Variants in RPS6KA2 observed in about 807,000 individuals in gnomAD.
RPS6KA2 encodes the protein ribosomal protein S6 kinase A2.
Under a neutral mutation model 91.8 loss-of-function variants are expected in RPS6KA2, and 42 were observed. The observed-to-expected ratio is 0.46, with a 90% confidence interval of 0.36 to 0.59. The LOEUF is 0.59. RPS6KA2 is among the 20% of genes least tolerant of loss of function. The pLI is 0.00. For synonymous variants in RPS6KA2, 414 were observed against 393.6 expected (o/e 1.05, Z -0.61); for missense variants, 798 against 978.5 (o/e 0.82, Z 2.46).
rs1295278993 is a variant in RPS6KA2, at chr6:166,557,766, T to C, written c.100-18982A>G. On this transcript the variant is annotated intron_variant, in intron 1 of 20. Transcript: ENST00000265678. The surrounding 1 kb of genome is among the most constrained non-coding windows in gnomAD (Gnocchi z 4.8). ...ACTCGAAATCCTTCTAGTCTCTATA[T>C]ACAGACTTTCCTCACTCTGTGAACC... Among the ~76,000 whole-genome samples, 1 of 152,244 alleles carries C rather than the reference T, an allele frequency of 6.6e-6. No individual in the cohort carries two copies. The highest frequency in any genetic ancestry group is 2.4e-5 in the African/African-American group (1 of 41,458).
At chr6:166,555,192 G>T (rs1460241206) in intron 1 of RPS6KA2, among the ~76,000 whole-genome samples, 1 of 152,160 alleles carries the variant, frequency 6.6e-6, no homozygotes, top group African/African-American at 2.4e-5. Context: ...TAAGTGACAG[G>T]GGTGAGAAGA....
At chr6:166,801,747 T>G (rs1779371572) in intron 2 of RPS6KA2, among the ~76,000 whole-genome samples, 1 of 152,232 alleles carries the variant, frequency 6.6e-6, no homozygotes, top group African/African-American at 2.4e-5. Flanking sequence ...ATAAATATAT[T>G]CATGCACATA....
rs535114749 is a variant in RPS6KA2, at chr6:166,858,360, C to T, written c.64-101G>A. ...ATGAAAAAGTACTAACTAAATATCC[C>T]GCATGATTTCTGTAGGACATGGAAA... On this transcript the variant is annotated intron_variant, in intron 1 of 21. Coordinates refer to the RPS6KA2 transcript ENST00000503859. The T allele has an allele frequency of 8.7e-5, 59 of 680,278 alleles. 2 individuals are homozygous for T. The highest frequency in any genetic ancestry group is 6.2e-4 in the South Asian group (34 of 54,632). The allele number at this position is 680,278 out of a possible 1,614,324, so 42.1% of individuals were successfully genotyped here.
In RPS6KA2 at chr6:166,755,958, C is replaced by G. The variant is rs540056717; in HGVS notation, c.123+102242G>C. On this transcript the variant is annotated intron_variant, in intron 2 of 21. Transcript: ENST00000503859. ...TCTTAATTCCAAAAGTTGAAGTAAA[C>G]AACTTTCATTCACATTATATAATTA... Among the ~76,000 whole-genome samples, 5 of 152,206 alleles carry G rather than the reference C, an allele frequency of 3.3e-5. No homozygotes were observed. The East Asian group carries it at 9.6e-4, about 29-fold the overall frequency.
chr6:166,752,357 C>T (rs1196466314), intron 2 of RPS6KA2, among the ~76,000 whole-genome samples: 1 of 152,150 alleles, frequency 6.6e-6, no homozygotes, highest in Non-Finnish European at 1.5e-5. Flanking sequence ...ACCTCAGCTT[C>T]ACATTCAACA....
chr6:166,817,975 G>A (rs963438813), intron 2 of RPS6KA2, among the ~76,000 whole-genome samples: 1 of 151,812 alleles, frequency 6.6e-6, no homozygotes, highest in Non-Finnish European at 1.5e-5. Context: ...CACCCACCTC[G>A]GCCTCCCAAA....
chr6:166,482,185 T>C (rs1716157740), intron 10 of RPS6KA2, among the ~76,000 whole-genome samples: 1 of 152,278 alleles, frequency 6.6e-6, no homozygotes, highest in Non-Finnish European at 1.5e-5. Context: ...AAGTATGTGC[T>C]GCAGCGTGGA....
chr6:166,860,282 C>T (rs1781015055), intron 1 of RPS6KA2, among the ~76,000 whole-genome samples: 1 of 152,130 alleles, frequency 6.6e-6, no homozygotes, highest in Non-Finnish European at 1.5e-5. Flanking sequence ...AAAAATTCAG[C>T]TAAGAAGCCT....
intron 2 of RPS6KA2, among the ~76,000 whole-genome samples, chr6:166,772,665 A>T (rs559719187): frequency 2.3e-3 from 352 of 152,216 alleles, no homozygotes; most frequent in Middle Eastern, 0.01. Flanking sequence ...CCACTCCATG[A>T]CCTACTCTCA....
intron 2 of RPS6KA2, among the ~76,000 whole-genome samples, chr6:166,736,435 T>C (rs1290191556): frequency 1.3e-5 from 2 of 152,226 alleles, no homozygotes; most frequent in African/African-American, 4.8e-5. Context: ...CCTTGCTATT[T>C]GCCACTTAGT....
At chr6:166,577,358 G>C (rs1386219965) in intron 1 of RPS6KA2, among the ~76,000 whole-genome samples, 1 of 152,196 alleles carries the variant, frequency 6.6e-6, no homozygotes, top group Non-Finnish European at 1.5e-5. Context: ...TGTGTGCCTG[G>C]AAAAGCCTCA....
chr6:166,560,901 G>A (rs956159548), intron 1 of RPS6KA2, among the ~76,000 whole-genome samples: 1 of 151,114 alleles, frequency 6.6e-6, no homozygotes, highest in Non-Finnish European at 1.5e-5. Flanking sequence ...CTCATTCCAC[G>A]GTCCTTTTGG....
At chr6:166,543,051 TCA>T (rs1279581760) in intron 1 of RPS6KA2, among the ~76,000 whole-genome samples, 1 of 152,106 alleles carries the variant, frequency 6.6e-6, no homozygotes, top group East Asian at 1.9e-4. Flanking sequence ...TATCTCCAAC[TCA>T]CAGGTCCCAT....
intron 10 of RPS6KA2, among the ~76,000 whole-genome samples, chr6:166,473,741 C>G (rs1193403121): frequency 2.0e-5 from 3 of 150,874 alleles, no homozygotes; most frequent in Non-Finnish European, 2.9e-5. Context: ...AAACCCATCT[C>G]CGACACTTCT....
chr6:166,582,978 C>G (rs1485714538), intron 1 of RPS6KA2, among the ~76,000 whole-genome samples: 1 of 152,170 alleles, frequency 6.6e-6, no homozygotes, highest in Non-Finnish European at 1.5e-5. Context: ...ACATTTTCTC[C>G]TACTTTAAAA....
intron 2 of RPS6KA2, among the ~76,000 whole-genome samples, chr6:166,806,728 T>C (rs2128619337): frequency 6.6e-6 from 1 of 152,320 alleles, no homozygotes; most frequent in South Asian, 2.1e-4. Flanking sequence ...ATGACAATTA[T>C]AAAAATTAGC....
At chr6:166,413,423 CTT>C (rs1778387599) in intron 20 of RPS6KA2, among the ~76,000 whole-genome samples, 1 of 152,186 alleles carries the variant, frequency 6.6e-6, no homozygotes, top group Non-Finnish European at 1.5e-5. Context: ...ACAGTCTACA[CTT>C]TTCAGAAAAG....
At chr6:166,463,837 A>T (rs564822150) in intron 11 of RPS6KA2, among the ~76,000 whole-genome samples, 98 of 152,334 alleles carry the variant, frequency 6.4e-4, no homozygotes, top group African/African-American at 2.3e-3. Context: ...CCGCAGGAAG[A>T]ATCTAAACGA....
intron 2 of RPS6KA2, among the ~76,000 whole-genome samples, chr6:166,780,983 A>C (rs960944851): frequency 1.3e-5 from 2 of 152,244 alleles, no homozygotes; most frequent in Non-Finnish European, 2.9e-5. Context: ...CTTCGCTAGC[A>C]GAAAGAGACT....
Sources: allele counts gnomAD v4.1 joint callset (sites outside exome capture counted in the v4.1 genomes callset), GRCh38; gene constraint gnomAD v4.1.1; non-coding constraint Gnocchi (gnomAD v3.1); transcripts MANE v1.5; gene names NCBI Gene and HGNC (gene_info 2026-07-23, HGNC 2026-07-21).